Variants in EBF2 observed in about 807,000 individuals in gnomAD.
EBF2 encodes EBF transcription factor 2.
In EBF2, 21 loss-of-function variants were observed where a neutral mutation model predicts 72.8. The observed-to-expected ratio is 0.29, with a 90% CI of 0.20 to 0.42. EBF2 has a LOEUF of 0.42. Ranked by LOEUF, EBF2 falls within the 10% of genes least tolerant of loss-of-function variation. The pLI is 1.00. For missense variants in EBF2, 637 were observed against 731.2 expected (o/e 0.87, Z 1.49); for synonymous variants, 299 against 274.2 (o/e 1.09, Z -0.89).
chr8:25,994,377 T>A (rs766123162), intron 6 of EBF2, among the ~76,000 whole-genome samples: 1 of 152,176 alleles, frequency 6.6e-6, no homozygotes, highest in Non-Finnish European at 1.5e-5. Flanking sequence ...GGACTTCCAC[T>A]TATGACTGAC....
chr8:26,029,546 C>T (rs1805363660), intron 6 of EBF2, among the ~76,000 whole-genome samples: 1 of 152,198 alleles, frequency 6.6e-6, no homozygotes. Context: ...GAACCATCCT[C>T]TCCCTCTCCC....
rs1803890387 is a variant in EBF2, at chr8:25,953,081, C to A, written c.552-44526G>T. ...CAAAAGAAAGGGGCCTTCCCTAAGA[C>A]CAATAGCTCTAACACAGCCTGGAGT... On this transcript the variant is annotated intron_variant, in intron 6 of 15. Transcript: ENST00000520164. Among the ~76,000 whole-genome samples, 4 of 152,332 alleles carry A rather than the reference C, an allele frequency of 2.6e-5. No individual in the cohort carries two copies. The South Asian group carries it at 8.3e-4, about 32-fold the overall frequency.
chr8:25,950,648 G>A (rs770525722), intron 6 of EBF2, among the ~76,000 whole-genome samples: 5 of 152,210 alleles, frequency 3.3e-5, no homozygotes, highest in Non-Finnish European at 5.9e-5. Context: ...TCTCCTTCAA[G>A]GAGGAATGGG....
chr8:26,005,674 A>G (rs1175438670), intron 6 of EBF2, among the ~76,000 whole-genome samples: 1 of 144,524 alleles, frequency 6.9e-6, no homozygotes, highest in African/African-American at 2.6e-5. Flanking sequence ...TACAAAAAAA[A>G]TTAAAAATAA....
At chr8:25,950,042 C>T (rs549334760) in intron 6 of EBF2, among the ~76,000 whole-genome samples, 3 of 152,192 alleles carry the variant, frequency 2.0e-5, no homozygotes, top group African/African-American at 2.4e-5. Flanking sequence ...ACACTGGCAG[C>T]GCTTGTCAGT....
intron 10 of EBF2, among the ~76,000 whole-genome samples, chr8:25,884,029 G>A (rs1300598317): frequency 2.6e-5 from 4 of 152,048 alleles, no homozygotes; most frequent in Non-Finnish European, 4.4e-5. Context: ...GATCTCCTCT[G>A]GTCCTGTGGC....
chr8:25,953,205 C>A (rs1475232796), intron 6 of EBF2, among the ~76,000 whole-genome samples: 1 of 152,152 alleles, frequency 6.6e-6, no homozygotes, highest in Non-Finnish European at 1.5e-5. Flanking sequence ...GACTGTAATG[C>A]CTCGTTTACT....
chr8:25,965,738 G>GA (rs1804103976), intron 6 of EBF2, among the ~76,000 whole-genome samples: 2 of 152,278 alleles, frequency 1.3e-5, no homozygotes, highest in African/African-American at 4.8e-5. Flanking sequence ...CCTCACCCAT[G>GA]AACTCACTGT....
At chr8:26,039,907 G>A (rs1805569456) in intron 5 of EBF2, 121 bp downstream of exon 5, 3 of 990,026 alleles carry the variant, frequency 3.0e-6, no homozygotes. Context: ...CCGTCTGCCC[G>A]CGAGGCCTCC....
intron 15 of EBF2, among the ~76,000 whole-genome samples, chr8:25,844,966 A>AT (rs917147278): frequency 6.6e-6 from 1 of 152,092 alleles, no homozygotes; most frequent in Non-Finnish European, 1.5e-5. Context: ...ATATATGCAT[A>AT]TTTTTTTATT....
At chr8:25,857,941 GAAAAAGTTCTTATC>G (rs1180740848) in intron 14 of EBF2, 1 of 361,514 alleles carries the variant, frequency 2.8e-6, no homozygotes, top group Non-Finnish European at 5.4e-6. Context: ...ATAACATGAA[GAAAAAGTTCTTATC>G]GAAAAGTTCT....
At chr8:25,951,751 A>G (rs918172243) in intron 6 of EBF2, among the ~76,000 whole-genome samples, 9 of 152,198 alleles carry the variant, frequency 5.9e-5, no homozygotes, top group Non-Finnish European at 1.3e-4. Flanking sequence ...CCCAGGAAGA[A>G]GGGAAGGCAC....
chr8:25,858,601 T>C, intron 13 of EBF2, 97 bp from the exon 14 acceptor site: 2 of 1,186,636 alleles, frequency 1.7e-6, no homozygotes, highest in Non-Finnish European at 2.3e-6. Context: ...GACTGCAGAA[T>C]GTCACCAGCT....
At chr8:25,887,408 C>T (rs1227549726) in intron 9 of EBF2, among the ~76,000 whole-genome samples, 2 of 152,154 alleles carry the variant, frequency 1.3e-5, no homozygotes, top group African/African-American at 4.8e-5. Flanking sequence ...CAATTTAGAA[C>T]ATTTTGAAAT....
chr8:25,944,497 C>T (rs1448971883), intron 6 of EBF2, among the ~76,000 whole-genome samples: 2 of 151,578 alleles, frequency 1.3e-5, no homozygotes, highest in Non-Finnish European at 2.9e-5. Context: ...ACATGGTAGG[C>T]ATTCAAATAA....
chr8:25,854,924 C>T (rs1802056325), intron 14 of EBF2, among the ~76,000 whole-genome samples: 1 of 152,144 alleles, frequency 6.6e-6, no homozygotes, highest in Non-Finnish European at 1.5e-5. Context: ...TGGATTCTGT[C>T]CCAAACTCTG....
chr8:26,022,430 GC>G (rs1049543715), intron 6 of EBF2, among the ~76,000 whole-genome samples: 3 of 152,176 alleles, frequency 2.0e-5, no homozygotes, highest in African/African-American at 7.2e-5. Flanking sequence ...ACACCTTGGG[GC>G]TTTTTTGGAG....
Position 25,925,837 on chromosome 8 carries a change from GA to G in EBF2, c.552-17283del, listed in dbSNP as rs1156529651. Among the ~76,000 whole-genome samples the G allele has an allele frequency of 4.6e-5, 7 of 152,226 alleles. No homozygotes were observed. In the East Asian group the frequency reaches 1.4e-3, roughly 29 times the overall value. On this transcript the variant is annotated intron_variant, in intron 6 of 15. Coordinates refer to ENST00000520164, the MANE Select transcript of EBF2 (RefSeq NM_022659.4). Reference sequence around the variant, plus strand: ...TTCAGCTTTTTCATTTTCATAATAGGAAGATTTTTTGCAGAGCCCTTATAGC... The same window carrying G: ...TTCAGCTTTTTCATTTTCATAATAGGAGATTTTTTGCAGAGCCCTTATAGC...
chr8:26,039,959 C>T, intron 5 of EBF2, 69 bp downstream of exon 5: 1 of 1,557,064 alleles, frequency 6.4e-7, no homozygotes, highest in South Asian at 1.1e-5. Flanking sequence ...CCCGGGAACG[C>T]GGCGCGCCAA....
Sources: gnomAD v4.1 joint callset for allele counts (sites outside exome capture counted in the v4.1 genomes callset) on GRCh38, gnomAD v4.1.1 for gene constraint, MANE v1.5 for transcripts, NCBI Gene and HGNC (gene_info 2026-07-23, HGNC 2026-07-21) for gene names.